The following SNX27 variants were observed in gnomAD, a reference collection of about 807,000 sequenced individuals.
The protein encoded by SNX27 is sorting nexin 27, also known as sorting nexin-27.
Under a neutral mutation model 71.6 loss-of-function variants are expected in SNX27, and 22 were observed. The ratio of observed to expected loss-of-function variants is 0.31; its 90% CI spans 0.22 to 0.44. SNX27 has a LOEUF of 0.44. Ranked by LOEUF, SNX27 falls within the 20% of genes least tolerant of loss-of-function variation. The pLI is 1.00. For missense variants in SNX27, 531 were observed against 698.6 expected, an observed-to-expected ratio of 0.76 and a Z score of 2.70; for synonymous variants, 269 against 277.2, an observed-to-expected ratio of 0.97 and a Z score of 0.29.
chr1:151,691,191 G>A (rs1671424077), intron 8 of SNX27, among the ~76,000 whole-genome samples: 1 of 152,070 alleles, frequency 6.6e-6, no homozygotes, highest in South Asian at 2.1e-4. Flanking sequence ...GCTGAGGTAG[G>A]AGAATAGCGT....
chr1:151,661,799 A>C (rs924288214), intron 4 of SNX27, among the ~76,000 whole-genome samples: 16 of 152,192 alleles, frequency 1.1e-4, no homozygotes, highest in Admixed American at 1.0e-3. Context: ...AATACCAGAG[A>C]ATATACATCG....
chr1:151,623,432 G>A (rs756270931), intron 1 of SNX27, among the ~76,000 whole-genome samples: 34 of 151,848 alleles, frequency 2.2e-4, no homozygotes, highest in South Asian at 1.2e-3. Context: ...GAGCCACCGC[G>A]CCCAGTATTT....
chr1:151,640,257 C>A (rs1668662708), intron 2 of SNX27, among the ~76,000 whole-genome samples: 1 of 152,188 alleles, frequency 6.6e-6, no homozygotes, highest in Non-Finnish European at 1.5e-5. Context: ...AAGTTGAAAT[C>A]AAGGTCACAT....
At position 151,683,388 on chromosome 1, in the gene SNX27, A is replaced by G; in HGVS notation, c.1182A>G (p.Lys394=). The G allele has an allele frequency of 6.2e-7, 1 of 1,613,872 alleles. No homozygotes were observed. Among genetic ancestry groups the G allele is most frequent in the South Asian group, 1.1e-5 (1 of 91,006 alleles). The change falls in exon 8 of 12, where the codon AAA becomes AAG. Residue 394 remains lysine, a synonymous_variant. Transcript: ENST00000458013. ...AVDDVKKGYI[K]AEEKSYQLQK... ...ATGATGTGAAGAAAGGTTACATCAA[A>G]GCAGAAGAAAAGTCCTATCAATTAC... is the stretch of plus-strand genomic sequence containing the variant.
At chr1:151,650,543 A>G (rs1018891439) in intron 2 of SNX27, among the ~76,000 whole-genome samples, 14 of 151,430 alleles carry the variant, frequency 9.2e-5, no homozygotes, top group African/African-American at 2.2e-4. Flanking sequence ...ACTGTTTGAT[A>G]TTGTCCTAGA....
In SNX27 at chr1:151,639,099, C is replaced by G; in HGVS notation, c.523C>G (p.Gln175Glu). 6.2e-7 allele frequency: 1 copy of G among 1,613,762 alleles called. No individual in the cohort carries two copies. Among genetic ancestry groups the G allele is most frequent in the Middle Eastern group, 1.6e-4 (1 of 6,062 alleles). ...ISVPRYKHVE[Q>E]NGEKFVVYNV... The stretch of plus-strand genomic sequence containing the variant: ...GGTCCCCAGATACAAACATGTGGAG[C>G]AGAATGGTGAGAAGTTTGTGGTGAG... Residue 175 changes from glutamine to glutamate, a missense_variant, in exon 2 of 12, where the codon CAG (glutamine) becomes GAG (glutamate). Coordinates refer to ENST00000458013, the MANE Select transcript of SNX27 (RefSeq NM_001330723.2).
intron 1 of SNX27, among the ~76,000 whole-genome samples, chr1:151,637,512 A>G (rs1183262107): frequency 1.3e-5 from 2 of 152,162 alleles, no homozygotes; most frequent in African/African-American, 2.4e-5. Context: ...GTCTGACTGA[A>G]TGAATTCAAA....
At chr1:151,651,032 T>C (rs1669315412) in intron 2 of SNX27, among the ~76,000 whole-genome samples, 1 of 152,062 alleles carries the variant, frequency 6.6e-6, no homozygotes, top group Non-Finnish European at 1.5e-5. Flanking sequence ...CCATCCGATT[T>C]CTCAATCTTT....
intron 1 of SNX27, chr1:151,629,521 A>G (rs1668112938): frequency 6.6e-6 from 1 of 150,620 alleles, no homozygotes; most frequent in Admixed American, 6.6e-5. Flanking sequence ...ATATACACGT[A>G]TATATACATG....
intron 1 of SNX27, among the ~76,000 whole-genome samples, chr1:151,622,012 T>C (rs1452062114): frequency 6.6e-6 from 1 of 152,238 alleles, no homozygotes; most frequent in Non-Finnish European, 1.5e-5. Flanking sequence ...TTTCCCTGTC[T>C]TACCCAGTTA....
chr1:151,660,729 T>G, intron 3 of SNX27, 69 bp from the exon 4 acceptor site: 1 of 1,202,072 alleles, frequency 8.3e-7, no homozygotes, highest in Non-Finnish European at 1.2e-6. Flanking sequence ...CTTAAAACTT[T>G]GATACGTCTT....
chr1:151,627,005 A>G (rs1325005285), intron 1 of SNX27, among the ~76,000 whole-genome samples: 1 of 152,212 alleles, frequency 6.6e-6, no homozygotes. Flanking sequence ...ACAGACCAAG[A>G]TCTGGGCATT....
chr1:151,681,596 C>G (rs925367859), intron 7 of SNX27, among the ~76,000 whole-genome samples: 1 of 152,092 alleles, frequency 6.6e-6, no homozygotes, highest in Non-Finnish European at 1.5e-5. Context: ...CCTTAAAATA[C>G]TCTGGGAAAT....
intron 1 of SNX27, among the ~76,000 whole-genome samples, chr1:151,637,135 A>G (rs1425256103): frequency 6.8e-6 from 1 of 146,246 alleles, no homozygotes; most frequent in Non-Finnish European, 1.5e-5. Context: ...ATGCTGGTAT[A>G]TGATCAGAGT....
At chr1:151,684,965 C>G (rs1230037110) in intron 8 of SNX27, among the ~76,000 whole-genome samples, 1 of 151,998 alleles carries the variant, frequency 6.6e-6, no homozygotes, top group Non-Finnish European at 1.5e-5. Context: ...CCCAACACCA[C>G]GCTTGGCTAA....
chr1:151,621,534 C>G (rs1306929164), intron 1 of SNX27, among the ~76,000 whole-genome samples: 2 of 152,218 alleles, frequency 1.3e-5, no homozygotes, highest in East Asian at 1.9e-4. Context: ...AGGCCTGATA[C>G]ACAAGGAATT....
intron 2 of SNX27, among the ~76,000 whole-genome samples, chr1:151,644,310 C>T (rs181441629): frequency 1.4e-3 from 213 of 152,296 alleles, no homozygotes; most frequent in Admixed American, 2.9e-3. Context: ...CCATCCCCTC[C>T]AATTCTAGGA....
chr1:151,650,859 C>T (rs1033309552), intron 2 of SNX27, among the ~76,000 whole-genome samples: 2 of 151,980 alleles, frequency 1.3e-5, no homozygotes, highest in Admixed American at 6.6e-5. Context: ...TTGCACCGCC[C>T]TTAATCCATT....
intron 2 of SNX27, among the ~76,000 whole-genome samples, chr1:151,652,986 G>A (rs182778576): frequency 6.8e-6 from 1 of 147,700 alleles, no homozygotes; most frequent in Non-Finnish European, 1.5e-5. Context: ...GGAGTACAAT[G>A]GCTCGATCTT....
Sources: gnomAD v4.1 joint callset for allele counts (sites outside exome capture counted in the v4.1 genomes callset) on GRCh38, gnomAD v4.1.1 for gene constraint, MANE v1.5 for transcripts, NCBI Gene and HGNC (gene_info 2026-07-23, HGNC 2026-07-21) for gene names.